Variants in DRC8 observed in about 807,000 individuals in gnomAD.
The protein encoded by DRC8 is dynein regulatory complex subunit 8.
the DRC8 span, among the ~76,000 whole-genome samples, chr1:245,120,426 C>G: frequency 4.6e-5 from 7 of 152,188 alleles, no homozygotes; most frequent in African/African-American, 1.7e-4. Flanking sequence ...CAGTTCCCTT[C>G]TCAAGAATAT....
the DRC8 span, among the ~76,000 whole-genome samples, chr1:244,973,100 C>A: frequency 6.6e-6 from 1 of 152,114 alleles, no homozygotes; most frequent in Non-Finnish European, 1.5e-5. Context: ...TTTGAGGATT[C>A]ACTCAACTAA....
At chr1:245,120,271 C>T in the DRC8 span, among the ~76,000 whole-genome samples, 4 of 152,162 alleles carry the variant, frequency 2.6e-5, no homozygotes, top group Non-Finnish European at 5.9e-5. Context: ...TCCTTATGCG[C>T]CCTTCACGCA....
the DRC8 span, among the ~76,000 whole-genome samples, chr1:245,084,068 C>CCA: frequency 8.7e-6 from 1 of 114,412 alleles, no homozygotes; most frequent in Non-Finnish European, 1.8e-5. Context: ...TTCCGCCCCC[C>CCA]CCCCGGCGCC....
At chr1:245,110,234 A>G in the DRC8 span, among the ~76,000 whole-genome samples, 1 of 152,138 alleles carries the variant, frequency 6.6e-6, no homozygotes, top group South Asian at 2.1e-4. Context: ...AATACAAAAA[A>G]TCAGTCGAGC....
chr1:244,980,425 G>A, the DRC8 span, among the ~76,000 whole-genome samples: 4 of 152,122 alleles, frequency 2.6e-5, no homozygotes, highest in African/African-American at 9.7e-5. Flanking sequence ...TTGTTGTCTA[G>A]AAAAATCACT....
At chr1:244,996,712 G>A in the DRC8 span, among the ~76,000 whole-genome samples, 1 of 152,136 alleles carries the variant, frequency 6.6e-6, no homozygotes, top group South Asian at 2.1e-4. Context: ...TAAAGGAGTG[G>A]ATAAATATTC....
At chr1:245,115,155 T>C in the DRC8 span, among the ~76,000 whole-genome samples, 1 of 152,220 alleles carries the variant, frequency 6.6e-6, no homozygotes, top group East Asian at 1.9e-4. Context: ...GTTCAAGCAG[T>C]TCTCCTGCCT....
At chr1:245,099,155 G>C in the DRC8 span, among the ~76,000 whole-genome samples, 356 of 152,256 alleles carry the variant, frequency 2.3e-3, 4 homozygotes, top group Middle Eastern at 0.01. Context: ...CATGACAACT[G>C]TTGAACACCA....
the DRC8 span, among the ~76,000 whole-genome samples, chr1:244,994,264 G>A: frequency 6.6e-6 from 1 of 152,026 alleles, no homozygotes; most frequent in African/African-American, 2.4e-5. Flanking sequence ...GTCATTTTTA[G>A]TTCAGGCTTA....
chr1:245,117,722 A>G, the DRC8 span, among the ~76,000 whole-genome samples: 1 of 152,162 alleles, frequency 6.6e-6, no homozygotes, highest in Non-Finnish European at 1.5e-5. Context: ...TAATCCCAGC[A>G]CTTTGGGAGG....
the DRC8 span, among the ~76,000 whole-genome samples, chr1:245,077,250 T>C: frequency 1.4e-4 from 21 of 152,296 alleles, no homozygotes; most frequent in East Asian, 3.7e-3. Context: ...GATCAAGGTA[T>C]CAGCATGATT....
At chr1:245,117,381 CAG>C in the DRC8 span, among the ~76,000 whole-genome samples, 1 of 151,974 alleles carries the variant, frequency 6.6e-6, no homozygotes, top group Non-Finnish European at 1.5e-5. Context: ...TAAATGATAA[CAG>C]AGAAAATAAA....
the DRC8 span, among the ~76,000 whole-genome samples, chr1:245,107,614 T>G: frequency 6.6e-6 from 1 of 152,200 alleles, no homozygotes; most frequent in African/African-American, 2.4e-5. Flanking sequence ...GCCTTTGCTG[T>G]CTGACGCAGC....
chr1:245,062,346 C>A, the DRC8 span, among the ~76,000 whole-genome samples: 2 of 152,188 alleles, frequency 1.3e-5, no homozygotes, highest in African/African-American at 4.8e-5. Context: ...CAACTTCCTG[C>A]AAATACTTTC....
At chr1:245,121,823 A>G in the DRC8 span, 57 of 393,156 alleles carry the variant, frequency 1.4e-4, no homozygotes, top group Middle Eastern at 1.7e-3. Context: ...GCAGCCTCAC[A>G]GGCCTTAGGC....
the DRC8 span, among the ~76,000 whole-genome samples, chr1:245,066,614 A>G: frequency 6.6e-6 from 1 of 152,166 alleles, no homozygotes; most frequent in African/African-American, 2.4e-5. Flanking sequence ...AATGGTACTT[A>G]TAATCATAAT....
chr1:245,121,540 T>C, the DRC8 span, among the ~76,000 whole-genome samples: 1 of 152,242 alleles, frequency 6.6e-6, no homozygotes, highest in Non-Finnish European at 1.5e-5. Context: ...TCCCTAGCCA[T>C]GAAACAGTCT....
the DRC8 span, among the ~76,000 whole-genome samples, chr1:245,084,582 G>T: frequency 1.3e-5 from 2 of 152,072 alleles, no homozygotes; most frequent in East Asian, 3.9e-4. Flanking sequence ...TCTCTGCTAG[G>T]CTGATGTGTA....
At chr1:245,060,875 C>T in the DRC8 span, among the ~76,000 whole-genome samples, 4 of 152,262 alleles carry the variant, frequency 2.6e-5, no homozygotes, top group South Asian at 2.1e-4. Context: ...TCCTGCCCAC[C>T]GCCTGTGCAT....
Sources: gnomAD v4.1 joint callset for allele counts (sites outside exome capture counted in the v4.1 genomes callset) on GRCh38, gnomAD v4.1.1 for gene constraint, MANE v1.5 for transcripts, NCBI Gene and HGNC (gene_info 2026-07-23, HGNC 2026-07-21) for gene names.